PTPRN2: variants seen among roughly 807,000 people sequenced by gnomAD.
The protein encoded by PTPRN2 is receptor-type tyrosine-protein phosphatase N2.
In PTPRN2, 74 loss-of-function variants were observed where a neutral mutation model predicts 118.8. The ratio of observed to expected loss-of-function variants is 0.62; its 90% CI spans 0.52 to 0.76. The LOEUF is 0.76. Ranked by LOEUF, PTPRN2 falls within the 30% of genes least tolerant of loss-of-function variation. PTPRN2 has a pLI of 0.00. For synonymous variants in PTPRN2, 641 were observed against 608.0 expected, an observed-to-expected ratio of 1.05 and a Z score of -0.80; for missense variants, 1,481 against 1,394.4, an observed-to-expected ratio of 1.06 and a Z score of -0.99.
At chr7:157,663,207 G>A (rs1014445437) in intron 13 of PTPRN2, among the ~76,000 whole-genome samples, 6 of 152,146 alleles carry the variant, frequency 3.9e-5, no homozygotes, top group Admixed American at 2.6e-4. Flanking sequence ...GGTGGCAAGG[G>A]GCGAACAGCG....
chr7:158,277,182 G>A (rs10247894), intron 3 of PTPRN2, among the ~76,000 whole-genome samples: 104,982 of 152,166 alleles, frequency 0.69, 37,736 homozygotes, highest in South Asian at 0.84. Flanking sequence ...CTCTTCTCAC[G>A]TCGCAGTGGA....
chr7:157,758,806 A>G (rs1317782945), intron 12 of PTPRN2, among the ~76,000 whole-genome samples: 1 of 152,088 alleles, frequency 6.6e-6, no homozygotes, highest in Non-Finnish European at 1.5e-5. Context: ...CCTGCTCAGA[A>G]AATCCCTGAT....
intron 3 of PTPRN2, among the ~76,000 whole-genome samples, chr7:158,305,139 C>T (rs1801188351): frequency 6.6e-6 from 1 of 152,100 alleles, no homozygotes; most frequent in African/African-American, 2.4e-5. Flanking sequence ...GTCCAAACAC[C>T]CCTTCCCATC....
At chr7:157,901,529 T>G (rs1797438699) in intron 11 of PTPRN2, among the ~76,000 whole-genome samples, 1 of 152,242 alleles carries the variant, frequency 6.6e-6, no homozygotes, top group Non-Finnish European at 1.5e-5. Flanking sequence ...TTAGTATGGA[T>G]CGCCTCTGCT....
intron 15 of PTPRN2, chr7:157,614,073 C>A: frequency 2.1e-6 from 1 of 469,156 alleles, no homozygotes; most frequent in South Asian, 1.6e-5. Context: ...CTCAACCGGC[C>A]AATCAGAACA....
chr7:158,312,059 A>C (rs1801810990), intron 3 of PTPRN2, among the ~76,000 whole-genome samples: 1 of 26,772 alleles, frequency 3.7e-5, no homozygotes, highest in East Asian at 7.3e-4. Flanking sequence ...ACACGTGCTC[A>C]CATGTAGACA....
intron 6 of PTPRN2, among the ~76,000 whole-genome samples, chr7:158,159,446 T>C (rs1340146815): frequency 6.6e-6 from 1 of 152,192 alleles, no homozygotes; most frequent in African/African-American, 2.4e-5. Context: ...ATCAGGTATG[T>C]TGGGATGAGG....
At chr7:158,372,869 G>A (rs1314041766) in intron 2 of PTPRN2, among the ~76,000 whole-genome samples, 1 of 152,240 alleles carries the variant, frequency 6.6e-6, no homozygotes, top group Admixed American at 6.5e-5. Flanking sequence ...TCTCCAGGCT[G>A]TGATTCAGCA....
chr7:157,877,981 C>T (rs1462978806), intron 12 of PTPRN2, among the ~76,000 whole-genome samples: 1 of 152,220 alleles, frequency 6.6e-6, no homozygotes, highest in African/African-American at 2.4e-5. Flanking sequence ...CAAGGAAAAT[C>T]CCGCGTATGT....
intron 11 of PTPRN2, among the ~76,000 whole-genome samples, chr7:158,006,629 G>C (rs1371079574): frequency 6.6e-6 from 1 of 152,124 alleles, no homozygotes; most frequent in East Asian, 1.9e-4. Flanking sequence ...CTTCCTTAAG[G>C]GCCATCCCAC....
At chr7:157,943,103 G>A (rs1359168827) in intron 11 of PTPRN2, among the ~76,000 whole-genome samples, 1 of 152,156 alleles carries the variant, frequency 6.6e-6, no homozygotes, top group Non-Finnish European at 1.5e-5. Context: ...ATTCATAACT[G>A]TAGCTACCAC....
intron 11 of PTPRN2, among the ~76,000 whole-genome samples, chr7:157,993,793 T>C (rs148075520): frequency 0.01 from 1,581 of 152,090 alleles, 14 homozygotes; most frequent in South Asian, 0.038. Flanking sequence ...CCTACGGGGG[T>C]TGAAGGCCTC....
intron 1 of PTPRN2, among the ~76,000 whole-genome samples, chr7:158,551,363 GGCTCT>G (rs1826641507): frequency 6.6e-6 from 1 of 152,156 alleles, no homozygotes. Context: ...ATCAGGGTGG[GGCTCT>G]AACACATGCA....
At chr7:158,204,993 G>A (rs191072090) in intron 4 of PTPRN2, among the ~76,000 whole-genome samples, 178 bp downstream of exon 4, 32 of 152,276 alleles carry the variant, frequency 2.1e-4, no homozygotes, top group Non-Finnish European at 4.0e-4. Context: ...CCCCAATATC[G>A]CTTTCTCTCA....
intron 2 of PTPRN2, among the ~76,000 whole-genome samples, chr7:158,397,492 ACTC>A (rs992201181): frequency 7.9e-5 from 12 of 151,620 alleles, no homozygotes; most frequent in African/African-American, 7.3e-5. Flanking sequence ...CCAAACAAAC[ACTC>A]CTCCTGTGCC....
chr7:158,277,644 G>A (rs529988495), intron 3 of PTPRN2, among the ~76,000 whole-genome samples: 213 of 152,342 alleles, frequency 1.4e-3, no homozygotes, highest in African/African-American at 4.9e-3. Flanking sequence ...TGCACACGCA[G>A]GGGCTGGGAC....
At chr7:158,473,516 C>G (rs994650215) in intron 2 of PTPRN2, among the ~76,000 whole-genome samples, 1 of 152,204 alleles carries the variant, frequency 6.6e-6, no homozygotes, top group African/African-American at 2.4e-5. Context: ...CGGCTCGCCT[C>G]TCCCTCGTCC....
chr7:158,447,553 G>A (rs959540398), intron 2 of PTPRN2, among the ~76,000 whole-genome samples: 2 of 152,188 alleles, frequency 1.3e-5, no homozygotes, highest in Non-Finnish European at 2.9e-5. Flanking sequence ...CACGCGGCCC[G>A]ATAAGGCCGA....
intron 3 of PTPRN2, among the ~76,000 whole-genome samples, chr7:158,289,160 G>T (rs1799947897): frequency 6.6e-6 from 1 of 151,898 alleles, no homozygotes; most frequent in South Asian, 2.1e-4. Context: ...GTCTTATTTG[G>T]ATTCAATCTA....
Sources: allele counts gnomAD v4.1 joint callset (sites outside exome capture counted in the v4.1 genomes callset), GRCh38; gene constraint gnomAD v4.1.1; transcripts MANE v1.5; gene names NCBI Gene and HGNC (gene_info 2026-07-23, HGNC 2026-07-21).